The following CALCOCO1 variants were observed in gnomAD, a reference collection of about 807,000 sequenced individuals.
The protein encoded by CALCOCO1 is calcium binding and coiled-coil domain 1, also known as calcium-binding and coiled-coil domain-containing protein 1.
Under a neutral mutation model 86.3 loss-of-function variants are expected in CALCOCO1, and 44 were observed. That is an observed-to-expected ratio of 0.51 (90% CI 0.40 to 0.66). The LOEUF is 0.66. CALCOCO1 is among the 30% of genes least tolerant of loss of function. The pLI is 0.00. For synonymous variants in CALCOCO1, 297 were observed against 327.6 expected, an observed-to-expected ratio of 0.91 and a Z score of 1.01; for missense variants, 708 against 851.1, an observed-to-expected ratio of 0.83 and a Z score of 2.09.
intron 2 of CALCOCO1, 87 bp downstream of exon 2, chr12:53,725,000 G>A (rs1945984932): frequency 7.2e-7 from 1 of 1,381,716 alleles, no homozygotes; most frequent in East Asian, 2.3e-5. Context: ...ATCAACCTGA[G>A]GTTGAGAATC....
chr12:53,721,608 G>A lies in CALCOCO1; in HGVS notation c.617C>T (p.Ser206Phe). Residue 206 changes from serine to phenylalanine, a missense_variant, in exon 6 of 15, where the codon TCC becomes TTC. Coordinates refer to ENST00000550804, the MANE Select transcript of CALCOCO1 (RefSeq NM_020898.3). ...TTCTGTGATCTCCCCATGGGACCGG[G>A]AAATCCCCTGAAATTAAGTTTCCCC... The part of the protein sequence containing the change: ...TELMEQYKGI[S>F]RSHGEITEER... 2 of 1,613,914 alleles carry A rather than the reference G, an allele frequency of 1.2e-6. No homozygotes were observed. Among genetic ancestry groups the A allele is most frequent in the South Asian group, 1.1e-5 (1 of 91,038 alleles).
Position 53,715,952 on chromosome 12 carries a change from G to C in CALCOCO1, c.1101C>G (p.Ala367=), listed in dbSNP as rs759634543. The C allele has an allele frequency of 1.9e-5, 31 of 1,614,160 alleles. No homozygotes were observed. Among genetic ancestry groups the C allele is most frequent in the Non-Finnish European group, 2.5e-5 (30 of 1,180,042 alleles). Residue 367 remains alanine, a synonymous_variant, in exon 9 of 15, where the codon GCC becomes GCG. Coordinates refer to ENST00000550804, the MANE Select transcript of CALCOCO1 (RefSeq NM_020898.3). Reference sequence around the variant, plus strand: ...TGCGGTCCCTGGCTGCTGCTGCACTGGCCAACTCCTCCCCAAGAAGGGTGG... The same window carrying C: ...TGCGGTCCCTGGCTGCTGCTGCACTCGCCAACTCCTCCCCAAGAAGGGTGG... The part of the protein sequence containing the change: ...QKATLLGEEL[A]SAAAARDRTI...
In CALCOCO1 at chr12:53,712,123, TAA is replaced by T. The variant is rs1297813598; in HGVS notation, c.1899-4_1899-3del. The T allele has an allele frequency of 2.5e-6, 4 of 1,595,156 alleles. No homozygotes were observed. The highest frequency in any genetic ancestry group is 3.4e-6 in the Non-Finnish European group (4 of 1,169,868). On this transcript the variant is annotated splice_polypyrimidine_tract_variant and splice_region_variant and intron_variant, in intron 14 of 14. Coordinates refer to ENST00000550804, the MANE Select transcript of CALCOCO1 (RefSeq NM_020898.3). ...GACAGGGTACCCACTGTAAAGCCAC[TAA>T]GAGAGACAGAGGGGAAAGGGAGAGG...
At chr12:53,722,773 A>T (rs1029068587) in intron 4 of CALCOCO1, 3 of 320,686 alleles carry the variant, frequency 9.4e-6, no homozygotes, top group African/African-American at 6.6e-5. Flanking sequence ...AAGCTTCTTA[A>T]CTTCTCTAAG....
chr12:53,718,959 T>C (rs1945800330), intron 7 of CALCOCO1, among the ~76,000 whole-genome samples: 1 of 149,094 alleles, frequency 6.7e-6, no homozygotes, highest in Non-Finnish European at 1.5e-5. Context: ...GTGATTCTCC[T>C]GCCTCAGCCT....
rs1945522145 is a variant in CALCOCO1, at chr12:53,710,276, G to A, written c.*1668C>T. The stretch of plus-strand genomic sequence containing the variant: ...TGGGGTTGCTAGGAGACGGAGACGT[G>A]AGGGAAGAAGGAACGATGTAAGAAG... On this transcript the variant is annotated 3_prime_UTR_variant, in exon 15 of 15. Coordinates refer to ENST00000550804, the MANE Select transcript of CALCOCO1 (RefSeq NM_020898.3). 1 of 152,300 alleles carries A rather than the reference G, an allele frequency of 6.6e-6. No homozygotes were observed. Among genetic ancestry groups the A allele is most frequent in the African/African-American group, 2.4e-5 (1 of 41,422 alleles). The allele number at this position is 152,300 out of a possible 1,614,324, so 9.4% of individuals were successfully genotyped here.
rs1356746746 is a variant in CALCOCO1, at chr12:53,716,284, G to T, written c.981C>A (p.Thr327=). Reference sequence around the variant, plus strand: ...CCACCCGCTGCTGGGCCTGGCCTAGGGTGTCCTTCATCTGGGCCACCTTGT... The same window carrying T: ...CCACCCGCTGCTGGGCCTGGCCTAGTGTGTCCTTCATCTGGGCCACCTTGT... ...LKDKVAQMKD[T]LGQAQQRVAE... Residue 327 remains threonine, a synonymous_variant, in exon 8 of 15, where the codon ACC becomes ACA. Transcript: ENST00000550804. The T allele has an allele frequency of 6.2e-7, 1 of 1,613,990 alleles. No individual in the cohort carries two copies. The highest frequency in any genetic ancestry group is 1.3e-5 in the African/African-American group (1 of 74,922).
At chr12:53,720,506 C>T (rs998617739) in intron 6 of CALCOCO1, among the ~76,000 whole-genome samples, 1 of 152,168 alleles carries the variant, frequency 6.6e-6, no homozygotes, top group African/African-American at 2.4e-5. Context: ...GTCTAGATAG[C>T]CCCTAATCTT....
chr12:53,713,061 T>G (rs1418211636), intron 14 of CALCOCO1, 39 bp downstream of exon 14: 1 of 1,563,970 alleles, frequency 6.4e-7, no homozygotes, highest in Non-Finnish European at 8.8e-7. Flanking sequence ...CCCTCTGACC[T>G]CCTCCCACCT....
At chr12:53,715,579 A>C (rs546226249) in intron 9 of CALCOCO1, 1 of 751,732 alleles carries the variant, frequency 1.3e-6, no homozygotes, top group East Asian at 2.7e-5. Flanking sequence ...TGTTCCAAGG[A>C]AGGTACTCTG....
chr12:53,719,784 G>A lies in CALCOCO1; in HGVS notation c.804C>T (p.Leu268=), dbSNP rs758660701. The A allele has an allele frequency of 9.3e-6, 15 of 1,613,774 alleles. No individual in the cohort carries two copies. The East Asian group carries it at 3.3e-4, about 36-fold the overall frequency. Residue 268 remains leucine (L), a synonymous_variant, in exon 7 of 15, where the codon CTC becomes CTT. Transcript: ENST00000550804. ...VKALTREQEK[L]LGQLKEVQAD... ...CTTGTACTTCTTTCAGTTGCCCAAG[G>A]AGCTTCTCTTGTTCCCGAGTCAGGG...
chr12:53,726,487 C>G (rs193195939), intron 1 of CALCOCO1: 1 of 152,346 alleles, frequency 6.6e-6, no homozygotes, highest in African/African-American at 2.4e-5. Flanking sequence ...ATTCATCACT[C>G]CTTTCCAGCC....
intron 4 of CALCOCO1, among the ~76,000 whole-genome samples, chr12:53,722,386 G>A (rs1394430972): frequency 6.6e-6 from 1 of 152,046 alleles, no homozygotes; most frequent in Non-Finnish European, 1.5e-5. Flanking sequence ...ACTCTGAATT[G>A]CCCATCTCTC....
intron 9 of CALCOCO1, 57 bp downstream of exon 9, chr12:53,715,735 TC>T: frequency 1.3e-6 from 2 of 1,583,414 alleles, no homozygotes; most frequent in Non-Finnish European, 8.6e-7. Flanking sequence ...CATGTAGGAG[TC>T]CCCACAGAGG....
chr12:53,723,689 G>T lies in CALCOCO1; in HGVS notation c.354C>A (p.Phe118Leu). 1 of 1,614,170 alleles carries T rather than the reference G, an allele frequency of 6.2e-7. No individual in the cohort carries two copies. The change falls in exon 4 of 15, where the codon TTC becomes TTA. Residue 118 changes from phenylalanine (F) to leucine (L), a missense_variant. Physicochemically the swap from Phe to Leu is conservative, Grantham distance 22 (BLOSUM62 0). Coordinates refer to ENST00000550804, the MANE Select transcript of CALCOCO1 (RefSeq NM_020898.3). ...QVCGQSPPFQFREPRPMDELV... is the reference protein window; with the variant it reads ...QVCGQSPPFQLREPRPMDELV... ...GTTCATCCATGGGCCTTGGCTCTCG[G>T]AACTGGAAAGGGGGGCTCTGCCCAC... is the stretch of plus-strand genomic sequence containing the variant.
chr12:53,716,123 C>T (rs1945718952), intron 8 of CALCOCO1, 76 bp from the exon 9 acceptor site: 1 of 1,583,154 alleles, frequency 6.3e-7, no homozygotes, highest in Non-Finnish European at 8.6e-7. Context: ...ACGCTCCCTC[C>T]ACTCCACTGC....
rs1168823625 is a variant in CALCOCO1 at position 53,709,693 on chromosome 12, T to TG, written c.*2250dup. The TG allele has an allele frequency of 6.6e-6, 1 of 152,400 alleles. No individual in the cohort carries two copies. The highest frequency in any genetic ancestry group is 1.5e-5 in the Non-Finnish European group (1 of 68,110). The allele number at this position is 152,400 out of a possible 1,614,324, so 9.4% of individuals were successfully genotyped here. A position where few individuals can be genotyped will look rare whatever the true frequency, so the allele number is the denominator to read the frequency against. On this transcript the variant is annotated 3_prime_UTR_variant, in exon 15 of 15. Transcript: ENST00000550804. Reference sequence around the variant, plus strand: ...CTCTTAAGTGCTTTTAGTCTGACAGTGTCTGTATCAGTGGCCTTGTGCAGC... The same window carrying TG: ...CTCTTAAGTGCTTTTAGTCTGACAGTGGTCTGTATCAGTGGCCTTGTGCAGC...
intron 4 of CALCOCO1, 66 bp downstream of exon 4, chr12:53,723,527 A>C: frequency 6.5e-7 from 1 of 1,537,134 alleles, no homozygotes; most frequent in Non-Finnish European, 9.0e-7. Flanking sequence ...TAAGGTGGGA[A>C]GGGTCCTCTT....
In CALCOCO1 at chr12:53,724,558, A is replaced by G. The variant is rs914689613; in HGVS notation, c.259+87T>C. 4 of 944,894 alleles carry G rather than the reference A, an allele frequency of 4.2e-6. No individual in the cohort carries two copies. In the South Asian group the frequency reaches 5.5e-5, roughly 13 times the overall value. The allele number at this position is 944,894 out of a possible 1,614,324, so 58.5% of individuals were successfully genotyped here. ...TTATTTTTCCTTGTCCTTTGTGCCTAACTTTTAATGTTTCTGAGCCCACTA... is the reference window on the plus strand; with the variant it reads ...TTATTTTTCCTTGTCCTTTGTGCCTGACTTTTAATGTTTCTGAGCCCACTA... On this transcript the variant is annotated intron_variant, in intron 3 of 14. Coordinates refer to ENST00000550804, the MANE Select transcript of CALCOCO1 (RefSeq NM_020898.3).
Sources: allele counts gnomAD v4.1 joint callset (sites outside exome capture counted in the v4.1 genomes callset), GRCh38; gene constraint gnomAD v4.1.1; transcripts MANE v1.5; gene names NCBI Gene and HGNC (gene_info 2026-07-23, HGNC 2026-07-21).